SYNE2: variants seen among roughly 807,000 people sequenced by gnomAD.
SYNE2 encodes spectrin repeat containing nuclear envelope protein 2.
A neutral mutation model predicts 856.3 loss-of-function variants in SYNE2; 431 were observed. That is an observed-to-expected ratio of 0.50 (90% CI 0.47 to 0.55). The LOEUF is 0.55. Among genes scored for constraint, SYNE2 ranks in the 20% least tolerant of loss-of-function variants. SYNE2 has a pLI of 0.00. For missense variants in SYNE2, 8,129 were observed against 8,023.2 expected, an observed-to-expected ratio of 1.01 and a Z score of -0.50; for synonymous variants, 2,923 against 2,872.3, an observed-to-expected ratio of 1.02 and a Z score of -0.56.
In SYNE2 at chr14:63,837,357, A is replaced by T. The variant is rs75305618; in HGVS notation, c.-304-15144A>T. ...CTATGAAACTCTTAGAAGAAAGCCTATGTGTATATCTTTGTGACTTTGGGT... is the reference window on the plus strand; with the variant it reads ...CTATGAAACTCTTAGAAGAAAGCCTTTGTGTATATCTTTGTGACTTTGGGT... On this transcript the variant is annotated intron_variant, in intron 1 of 23. Coordinates refer to the SYNE2 transcript ENST00000674003. 1.2e-3 allele frequency among the ~76,000 whole-genome samples: 189 copies of T among 152,344 alleles called. 1 individual carries two copies. The East Asian group carries it at 0.029, about 23-fold the overall frequency.
intron 2 of SYNE2, among the ~76,000 whole-genome samples, chr14:63,925,236 T>A (rs2095649652): frequency 6.6e-6 from 1 of 152,098 alleles, no homozygotes; most frequent in African/African-American, 2.4e-5. Context: ...GTGGGAGGAT[T>A]GCTTGAGCCC....
chr14:64,158,913 A>G, intron 86 of SYNE2, 118 bp downstream of exon 86: 1 of 1,102,074 alleles, frequency 9.1e-7, no homozygotes, highest in Non-Finnish European at 1.4e-6. Flanking sequence ...AAAGCATGTT[A>G]AATAGCAGTT....
At chr14:63,813,605 C>A (rs1043708298) in intron 1 of SYNE2, among the ~76,000 whole-genome samples, 14 of 152,036 alleles carry the variant, frequency 9.2e-5, no homozygotes, top group Non-Finnish European at 1.8e-4. Flanking sequence ...CTAGCCTGGA[C>A]AAAATGGTGA....
intron 1 of SYNE2, among the ~76,000 whole-genome samples, chr14:63,905,517 C>T (rs570353566): frequency 9.2e-5 from 14 of 152,232 alleles, no homozygotes; most frequent in African/African-American, 2.9e-4. Context: ...AGATCTTTCA[C>T]CTCTTTGGTT....
rs755008919 is a variant in SYNE2, at chr14:64,027,639, A to C, written c.6560A>C (p.Lys2187Thr). 20 of 1,614,032 alleles carry C rather than the reference A, an allele frequency of 1.2e-5. 1 individual carries two copies. The South Asian group carries it at 2.0e-4, about 16-fold the overall frequency. Residue 2187 changes from lysine to threonine, a missense_variant, in exon 43 of 116, where the codon AAA (lysine) becomes ACA (threonine). Transcript: ENST00000555002. ...EKKAQLKIYK[K>T]FLKKAQDLTS... is the part of the protein sequence containing the mutation. ...AAAGCTCAGTTAAAGATTTATAAGAAATTCCTCAAGAAAGCCCAAGATTTG... is the reference window on the plus strand; with the variant it reads ...AAAGCTCAGTTAAAGATTTATAAGACATTCCTCAAGAAAGCCCAAGATTTG...
At chr14:64,221,084 A>G (rs1016478040) in intron 111 of SYNE2, among the ~76,000 whole-genome samples, 6 of 152,124 alleles carry the variant, frequency 3.9e-5, no homozygotes, top group African/African-American at 1.4e-4. Flanking sequence ...AAAGAACCTT[A>G]AAAAGGTTCT....
At chr14:64,123,567 C>T (rs1037024067) in intron 70 of SYNE2, among the ~76,000 whole-genome samples, 4 of 152,180 alleles carry the variant, frequency 2.6e-5, no homozygotes, top group African/African-American at 9.7e-5. Context: ...AACAGGAGAA[C>T]TCCACTCATT....
At chr14:64,042,886 T>C (rs1431205038) in intron 45 of SYNE2, among the ~76,000 whole-genome samples, 1 of 152,128 alleles carries the variant, frequency 6.6e-6, no homozygotes, top group African/African-American at 2.4e-5. Context: ...TGGAAGTGAC[T>C]TAGGAACTGG....
At chr14:63,934,381 TGTC>T (rs1427889530) in intron 2 of SYNE2, among the ~76,000 whole-genome samples, 1 of 152,142 alleles carries the variant, frequency 6.6e-6, no homozygotes, top group Non-Finnish European at 1.5e-5. Context: ...TTTATGTCTC[TGTC>T]AGGGGATGTT....
At chr14:64,145,643 CAA>C (rs1246789957) in intron 83 of SYNE2, among the ~76,000 whole-genome samples, 1 of 151,496 alleles carries the variant, frequency 6.6e-6, no homozygotes, top group Non-Finnish European at 1.5e-5. Context: ...ACATTAAAGA[CAA>C]TGATTATTTT....
At chr14:63,923,613 C>T (rs2095626236) in intron 2 of SYNE2, among the ~76,000 whole-genome samples, 3 of 152,018 alleles carry the variant, frequency 2.0e-5, no homozygotes, top group African/African-American at 4.8e-5. Flanking sequence ...CTGTTGGAGC[C>T]CATAAGCTAA....
intron 1 of SYNE2, among the ~76,000 whole-genome samples, chr14:63,762,667 C>CT (rs1886534542): frequency 6.7e-6 from 1 of 149,880 alleles, no homozygotes. Context: ...AACTCCTGGG[C>CT]TCAAACAATC....
intron 1 of SYNE2, among the ~76,000 whole-genome samples, chr14:63,779,559 C>T (rs1291260084): frequency 6.6e-6 from 1 of 151,870 alleles, no homozygotes; most frequent in Non-Finnish European, 1.5e-5. Context: ...CCAAGACGTC[C>T]CCTCTCAACA....
chr14:63,870,085 C>T (rs1279829317), intron 1 of SYNE2, among the ~76,000 whole-genome samples: 1 of 152,102 alleles, frequency 6.6e-6, no homozygotes, highest in African/African-American at 2.4e-5. Context: ...CTTTGGTTCC[C>T]CATTGGCCAT....
intron 13 of SYNE2, 68 bp from the exon 14 acceptor site, chr14:63,978,784 G>A: frequency 1.5e-6 from 2 of 1,356,212 alleles, no homozygotes; most frequent in Non-Finnish European, 2.1e-6. Flanking sequence ...TTTTTAAAAT[G>A]CTGAACAGAT....
rs2098717329 is a variant in SYNE2, at chr14:64,226,135, T to C, written c.*609T>C. ...TTGCATGGATGTGGTTATTTGTGCA[T>C]ATTTTTTAACAATGCCCAATCTGTA... is the stretch of plus-strand genomic sequence containing the variant. On this transcript the variant is annotated 3_prime_UTR_variant, in exon 116 of 116. Coordinates refer to ENST00000555002, the MANE Select transcript of SYNE2 (RefSeq NM_182914.3). 1 of 154,146 alleles carries C rather than the reference T, an allele frequency of 6.5e-6. No homozygotes were observed. Among genetic ancestry groups the C allele is most frequent in the Non-Finnish European group, 1.4e-5 (1 of 69,058 alleles). 9.5% of individuals were successfully genotyped at this position (154,146 alleles called of 1,614,324 possible). A position where few individuals can be genotyped will look rare whatever the true frequency, so the allele number is the denominator to read the frequency against.
intron 42 of SYNE2, 22 bp downstream of exon 42, chr14:64,026,752 C>T (rs758028217): frequency 1.9e-6 from 3 of 1,593,656 alleles, no homozygotes; most frequent in Non-Finnish European, 2.6e-6. Flanking sequence ...GCCTGCACCA[C>T]TTGCATCATA....
At position 63,981,068 on chromosome 14, in the gene SYNE2, G is replaced by C; in HGVS notation, c.1731G>C (p.Val577=). 1.2e-6 allele frequency: 2 copies of C among 1,603,086 alleles called. No homozygotes were observed. Among genetic ancestry groups the C allele is most frequent in the South Asian group, 2.2e-5 (2 of 90,754 alleles). The change falls in exon 16 of 116, where the codon GTG becomes GTC. Residue 577 remains valine, a synonymous_variant. Coordinates refer to ENST00000555002, the MANE Select transcript of SYNE2 (RefSeq NM_182914.3). ...VCMYRKNIYN[V]KSTLQKVLAC... ...TGTATAGAAAAAATATATATAATGT[G>C]AAGTCCACTCTACAAAAAGTGCTGG...
Position 63,949,998 on chromosome 14 carries a change from A to G in SYNE2, c.582A>G (p.Gln194=). Residue 194 remains glutamine (Q), a synonymous_variant, in exon 7 of 116, where the codon CAA becomes CAG. Coordinates refer to ENST00000555002, the MANE Select transcript of SYNE2 (RefSeq NM_182914.3). The part of the protein sequence containing the change: ...RKALLLWAQE[Q]CATYESVNVT... ...CCCTTCTTTTGTGGGCTCAGGAACAATGCGCCACGTAAGTAGTTTGCTATG... is the reference window on the plus strand; with the variant it reads ...CCCTTCTTTTGTGGGCTCAGGAACAGTGCGCCACGTAAGTAGTTTGCTATG... 6.2e-7 allele frequency: 1 copy of G among 1,614,098 alleles called. No individual in the cohort carries two copies. The highest frequency in any genetic ancestry group is 8.5e-7 in the Non-Finnish European group (1 of 1,179,988).
Sources: gnomAD v4.1 joint callset for allele counts (sites outside exome capture counted in the v4.1 genomes callset) on GRCh38, gnomAD v4.1.1 for gene constraint, MANE v1.5 for transcripts, NCBI Gene and HGNC (gene_info 2026-07-23, HGNC 2026-07-21) for gene names.